Variants in CLYBL observed in about 807,000 individuals in gnomAD.
CLYBL encodes the protein citramalyl-CoA lyase, mitochondrial.
A neutral mutation model predicts 38.9 loss-of-function variants in CLYBL; 31 were observed. That is an observed-to-expected ratio of 0.80 (90% confidence interval 0.60 to 1.08). The LOEUF (loss-of-function observed/expected upper bound fraction) is 1.08, where lower values mean the gene tolerates loss of function less well. Ranked by LOEUF, CLYBL falls within the 50% of genes least tolerant of loss-of-function variation. The probability of loss-of-function intolerance (pLI) is 0.00; values close to 1 mark genes in which losing one functional copy is unlikely to be tolerated. For synonymous variants in CLYBL, 171 were observed against 158.6 expected (o/e 1.08, Z -0.59); for missense variants, 434 against 411.6 (o/e 1.05, Z -0.47).
intron 1 of CLYBL, among the ~76,000 whole-genome samples, chr13:99,628,055 C>T (rs1360885971): frequency 6.6e-6 from 1 of 152,114 alleles, no homozygotes; most frequent in East Asian, 1.9e-4. Context: ...GTTTACAAAA[C>T]CCATCGGAAC....
At chr13:99,876,300 A>G (rs2052040137) in intron 7 of CLYBL, among the ~76,000 whole-genome samples, 1 of 151,374 alleles carries the variant, frequency 6.6e-6, no homozygotes, top group Admixed American at 6.6e-5. Flanking sequence ...GGGTGACTGT[A>G]ATCCCAGCTA....
intron 7 of CLYBL, among the ~76,000 whole-genome samples, chr13:99,878,368 A>T (rs1255522281): frequency 6.6e-6 from 1 of 152,230 alleles, no homozygotes; most frequent in Non-Finnish European, 1.5e-5. Flanking sequence ...GGTCTTAGCT[A>T]CAAACTGCTA....
downstream of CLYBL, among the ~76,000 whole-genome samples, chr13:99,901,587 A>G (rs1566373402): frequency 2.0e-5 from 3 of 151,846 alleles, no homozygotes; most frequent in East Asian, 5.8e-4. Context: ...TTAGTTAGTA[A>G]ATTAAATTTT....
intron 2 of CLYBL, among the ~76,000 whole-genome samples, chr13:99,843,278 G>T (rs2051126858): frequency 6.6e-6 from 1 of 152,176 alleles, no homozygotes; most frequent in Non-Finnish European, 1.5e-5. Flanking sequence ...TGGGATATTT[G>T]TTGCAGCTAG....
At chr13:99,831,633 A>G (rs1051330211) in intron 2 of CLYBL, among the ~76,000 whole-genome samples, 1 of 152,136 alleles carries the variant, frequency 6.6e-6, no homozygotes, top group Non-Finnish European at 1.5e-5. Context: ...GAAGAATAAT[A>G]TTAGATCTTT....
chr13:99,792,698 G>A (rs2049942719), intron 2 of CLYBL, among the ~76,000 whole-genome samples: 1 of 151,946 alleles, frequency 6.6e-6, no homozygotes, highest in African/African-American at 2.4e-5. Flanking sequence ...AGGCTGTGCT[G>A]TAGAGAAGGG....
At chr13:99,754,656 C>G (rs1215693755) in intron 1 of CLYBL, among the ~76,000 whole-genome samples, 2 of 151,488 alleles carry the variant, frequency 1.3e-5, no homozygotes, top group Admixed American at 6.6e-5. Context: ...ATGTTCTCAG[C>G]TCACTGCAAC....
chr13:99,858,795 C>A, intron 2 of CLYBL, 66 bp from the exon 3 acceptor site: 2 of 1,130,758 alleles, frequency 1.8e-6, no homozygotes, highest in Non-Finnish European at 2.5e-6. Context: ...ACAGTTTCAT[C>A]AACCATTTGA....
In CLYBL at chr13:99,665,328, T is replaced by G. The variant is rs559929298; in HGVS notation, c.62+58571T>G. Among the ~76,000 whole-genome samples the G allele has an allele frequency of 6.7e-5, 10 of 149,744 alleles. No individual in the cohort carries two copies. The East Asian group carries it at 2.0e-3, about 29-fold the overall frequency. ...ATTTATAAAAACTAGGAAAAGACCT[T>G]ACTTGCTTAAAAAAAAAATTTCTTA... is the stretch of plus-strand genomic sequence containing the variant. On this transcript the variant is annotated intron_variant, in intron 1 of 8. Coordinates refer to ENST00000339105, the MANE Select transcript of CLYBL (RefSeq NM_206808.5).
At chr13:99,807,899 T>A (rs954869362) in intron 2 of CLYBL, among the ~76,000 whole-genome samples, 1 of 152,274 alleles carries the variant, frequency 6.6e-6, no homozygotes, top group Non-Finnish European at 1.5e-5. Flanking sequence ...AAGAATTTTT[T>A]AAAAATTAGC....
intron 7 of CLYBL, chr13:99,877,566 TAA>T: frequency 2.8e-6 from 1 of 354,722 alleles, no homozygotes; most frequent in Non-Finnish European, 5.3e-6. Flanking sequence ...AAGAATTTTG[TAA>T]TTCTTTTTTT....
intron 2 of CLYBL, among the ~76,000 whole-genome samples, chr13:99,853,879 A>C (rs1028200982): frequency 1.3e-5 from 2 of 152,224 alleles, no homozygotes; most frequent in Non-Finnish European, 2.9e-5. Context: ...ATTTTCAATA[A>C]GATTTTCATA....
At chr13:99,744,378 AGG>A (rs2048813899) in intron 1 of CLYBL, among the ~76,000 whole-genome samples, 1 of 152,176 alleles carries the variant, frequency 6.6e-6, no homozygotes, top group Non-Finnish European at 1.5e-5. Context: ...CTGTAGTGTG[AGG>A]GAAAAGTTCT....
intron 1 of CLYBL, among the ~76,000 whole-genome samples, chr13:99,700,269 A>G (rs1193094340): frequency 1.3e-5 from 2 of 152,060 alleles, no homozygotes; most frequent in African/African-American, 2.4e-5. Context: ...CCTGACCAAC[A>G]TGGAGAAACC....
At chr13:99,709,923 C>CTTTTTTTTTTT (rs373484721) in intron 1 of CLYBL, among the ~76,000 whole-genome samples, 4 of 110,484 alleles carry the variant, frequency 3.6e-5, no homozygotes, top group Admixed American at 2.1e-4. Context: ...TTCTTTCTTT[C>CTTTTTTTTTTT]TTTTTTTTTT....
intron 1 of CLYBL, among the ~76,000 whole-genome samples, chr13:99,627,547 CTT>C (rs1252721792): frequency 1.3e-5 from 2 of 151,924 alleles, no homozygotes; most frequent in East Asian, 1.9e-4. Flanking sequence ...GTTTTGAAGT[CTT>C]TTTTATGTAA....
chr13:99,872,431 G>C (rs1194361569), intron 7 of CLYBL, among the ~76,000 whole-genome samples: 1 of 152,136 alleles, frequency 6.6e-6, no homozygotes, highest in Admixed American at 6.5e-5. Context: ...ATTCCCATGA[G>C]TAAATCTATT....
intron 1 of CLYBL, among the ~76,000 whole-genome samples, chr13:99,660,638 G>C (rs1319968938): frequency 6.6e-6 from 1 of 152,118 alleles, no homozygotes. Context: ...CCAACAAACA[G>C]CCACACTCAA....
chr13:99,634,291 A>G (rs2046989169), intron 1 of CLYBL, among the ~76,000 whole-genome samples: 1 of 152,226 alleles, frequency 6.6e-6, no homozygotes, highest in Non-Finnish European at 1.5e-5. Flanking sequence ...AAAGACCTTT[A>G]TAATTAAACA....
Sources: gnomAD v4.1 joint callset for allele counts (sites outside exome capture counted in the v4.1 genomes callset) on GRCh38, gnomAD v4.1.1 for gene constraint, MANE v1.5 for transcripts, NCBI Gene and HGNC (gene_info 2026-07-23, HGNC 2026-07-21) for gene names.